The following SMYD3 variants were observed in gnomAD, a reference collection of about 807,000 sequenced individuals.
SMYD3 encodes SET and MYND domain containing 3.
SMYD3 carries 36 observed loss-of-function variants against 57.7 expected under a neutral mutation model. That is an observed-to-expected ratio of 0.62 (90% CI 0.48 to 0.82). The LOEUF is 0.82. Ranked by LOEUF, SMYD3 falls within the 40% of genes least tolerant of loss-of-function variation. The pLI is 0.00. For synonymous variants in SMYD3, 211 were observed against 195.0 expected (o/e 1.08, Z -0.68); for missense variants, 515 against 538.8 (o/e 0.96, Z 0.44).
intron 5 of SMYD3, among the ~76,000 whole-genome samples, chr1:246,175,348 C>T (rs2062414104): frequency 6.6e-6 from 1 of 152,010 alleles, no homozygotes; most frequent in African/African-American, 2.4e-5. Flanking sequence ...CAAAAAGCAC[C>T]ACTGGGAGAG....
intron 1 of SMYD3, among the ~76,000 whole-genome samples, chr1:246,477,712 C>A (rs902410123): frequency 6.6e-6 from 1 of 152,166 alleles, no homozygotes; most frequent in African/African-American, 2.4e-5. Context: ...CACCTAGTAA[C>A]TGGAAAAATC....
At chr1:246,276,093 T>C (rs2064325588) in intron 5 of SMYD3, among the ~76,000 whole-genome samples, 1 of 122,296 alleles carries the variant, frequency 8.2e-6, no homozygotes. Context: ...CAAGTTTGAA[T>C]ACTAACTCTG....
At chr1:246,349,917 C>T (rs1309309457) in intron 2 of SMYD3, among the ~76,000 whole-genome samples, 2 of 152,034 alleles carry the variant, frequency 1.3e-5, no homozygotes, top group African/African-American at 4.8e-5. Context: ...AATATTAACC[C>T]AACTATATCA....
intron 1 of SMYD3, among the ~76,000 whole-genome samples, chr1:246,471,263 A>G (rs941453378): frequency 1.3e-4 from 20 of 152,244 alleles, no homozygotes; most frequent in Admixed American, 2.6e-4. Flanking sequence ...CGGCTGTATG[A>G]TCATGGCTCA....
At chr1:246,384,089 A>G (rs1399153281) in intron 1 of SMYD3, among the ~76,000 whole-genome samples, 2 of 152,214 alleles carry the variant, frequency 1.3e-5, no homozygotes, top group African/African-American at 2.4e-5. Flanking sequence ...CTTTTACTAT[A>G]TATGTATCTC....
intron 1 of SMYD3, among the ~76,000 whole-genome samples, chr1:246,460,724 A>G (rs1296112836): frequency 6.6e-6 from 1 of 152,240 alleles, no homozygotes; most frequent in Non-Finnish European, 1.5e-5. Context: ...TGTTGATTTC[A>G]TAAGTACTTG....
chr1:246,321,361 T>C (rs893081148), intron 5 of SMYD3, among the ~76,000 whole-genome samples: 1 of 152,224 alleles, frequency 6.6e-6, no homozygotes, highest in Non-Finnish European at 1.5e-5. Flanking sequence ...ACGTTATAGT[T>C]GATCCTCCTT....
Position 246,397,579 on chromosome 1 carries a change from T to G in SMYD3, c.165-42485A>C, listed in dbSNP as rs557386555. Among the ~76,000 whole-genome samples the G allele has an allele frequency of 2.0e-5, 3 of 152,294 alleles. No homozygotes were observed. In the East Asian group the frequency reaches 5.8e-4, roughly 29 times the overall value. On this transcript the variant is annotated intron_variant, in intron 1 of 11. Transcript: ENST00000490107. ...GGCCCTCAAGAAGTGAATGGTCTAG[T>G]AGGAAAAATATACCTAGACAGATGT...
At chr1:246,180,558 C>A (rs997166926) in intron 5 of SMYD3, among the ~76,000 whole-genome samples, 1 of 149,830 alleles carries the variant, frequency 6.7e-6, no homozygotes, top group Non-Finnish European at 1.5e-5. Context: ...GAGATCAAGA[C>A]CATCCTGGTT....
intron 5 of SMYD3, among the ~76,000 whole-genome samples, chr1:246,311,786 CA>C (rs1214374813): frequency 6.6e-6 from 1 of 152,188 alleles, no homozygotes; most frequent in Non-Finnish European, 1.5e-5. Context: ...CCCAGCCTTT[CA>C]AAAATAATTC....
chr1:245,773,929 A>C (rs548901512), intron 10 of SMYD3, among the ~76,000 whole-genome samples: 1 of 152,328 alleles, frequency 6.6e-6, no homozygotes, highest in Admixed American at 6.5e-5. Flanking sequence ...AAAGTTTAAA[A>C]TTTTCAGAAA....
chr1:245,931,074 G>A (rs1422687621), intron 5 of SMYD3, among the ~76,000 whole-genome samples: 1 of 152,208 alleles, frequency 6.6e-6, no homozygotes, highest in Non-Finnish European at 1.5e-5. Flanking sequence ...GGCAAAACAC[G>A]AGCTCAAAGA....
At chr1:246,211,018 T>C (rs916435760) in intron 5 of SMYD3, among the ~76,000 whole-genome samples, 20 of 152,286 alleles carry the variant, frequency 1.3e-4, no homozygotes, top group Non-Finnish European at 2.9e-5. Context: ...GTATTTCCTC[T>C]TCACCATTTT....
In SMYD3 at chr1:245,915,585, A is replaced by C; in HGVS notation, c.758T>G (p.Leu253Arg). 3 of 1,614,070 alleles carry C rather than the reference A, an allele frequency of 1.9e-6. No individual in the cohort carries two copies. Among genetic ancestry groups the C allele is most frequent in the Non-Finnish European group, 2.5e-6 (3 of 1,179,962 alleles). ...ACATTCAAAGCAGTACTGGTCCCTC[A>C]GCTGCTTCCGGCGCTCCTCACTGGT... The part of the protein sequence containing the change: ...LMTSEERRKQ[L>R]RDQYCFECDC... Residue 253 changes from leucine to arginine, a missense_variant, in exon 8 of 12, where the codon CTG becomes CGG. Leu to Arg is a moderately radical substitution (Grantham distance 102). Coordinates refer to ENST00000490107, the MANE Select transcript of SMYD3 (RefSeq NM_001167740.2).
chr1:245,970,763 G>A (rs867873893), intron 5 of SMYD3, among the ~76,000 whole-genome samples: 1 of 152,222 alleles, frequency 6.6e-6, no homozygotes, highest in Non-Finnish European at 1.5e-5. Flanking sequence ...TCTCACACCA[G>A]TTAGAATGGT....
chr1:246,156,056 A>T (rs113850431), intron 5 of SMYD3, among the ~76,000 whole-genome samples: 1 of 148,934 alleles, frequency 6.7e-6, no homozygotes, highest in Non-Finnish European at 1.5e-5. Flanking sequence ...GAAGGACAGA[A>T]TTTTTTTTTT....
chr1:245,763,657 G>A (rs942389738), intron 11 of SMYD3, among the ~76,000 whole-genome samples: 3 of 152,162 alleles, frequency 2.0e-5, no homozygotes, highest in African/African-American at 2.4e-5. Context: ...CTTGCCACGC[G>A]AGGGACACGG....
Position 246,355,167 on chromosome 1 carries a change from A to C in SMYD3, c.165-73T>G, listed in dbSNP as rs992798830. On this transcript the variant is annotated intron_variant, in intron 1 of 11. Transcript: ENST00000490107. The surrounding 1 kb of genome is among the most constrained non-coding windows in gnomAD (Gnocchi z 5.0). ...TAGTACATAGTTGAAGAAAGAAAACATAAGTCAACATACGGACACCCGTAT... is the reference window on the plus strand; with the variant it reads ...TAGTACATAGTTGAAGAAAGAAAACCTAAGTCAACATACGGACACCCGTAT... 1.2e-5 allele frequency: 17 copies of C among 1,432,504 alleles called. No individual in the cohort carries two copies. Among genetic ancestry groups the C allele is most frequent in the Non-Finnish European group, 1.6e-5 (16 of 1,016,134 alleles). The allele number at this position is 1,432,504 out of a possible 1,614,324, so 88.7% of individuals were successfully genotyped here. A position where few individuals can be genotyped will look rare whatever the true frequency, so the allele number is the denominator to read the frequency against.
At chr1:246,469,717 G>C (rs1478260156) in intron 1 of SMYD3, among the ~76,000 whole-genome samples, 1 of 152,138 alleles carries the variant, frequency 6.6e-6, no homozygotes, top group Non-Finnish European at 1.5e-5. Context: ...AATGTGGAGG[G>C]AACCATAAAT....
Sources: allele counts gnomAD v4.1 joint callset (sites outside exome capture counted in the v4.1 genomes callset), GRCh38; gene constraint gnomAD v4.1.1; non-coding constraint Gnocchi (gnomAD v3.1); transcripts MANE v1.5; gene names NCBI Gene and HGNC (gene_info 2026-07-23, HGNC 2026-07-21).